The following ANKRD30A variants were observed in gnomAD, a reference collection of about 807,000 sequenced individuals.
ANKRD30A encodes ankyrin repeat domain 30A.
A neutral mutation model predicts 166.3 loss-of-function variants in ANKRD30A; 170 were observed. The ratio of observed to expected loss-of-function variants is 1.02; its 90% CI spans 0.90 to 1.16. The LOEUF (loss-of-function observed/expected upper bound fraction) is 1.16. ANKRD30A is among the 50% of genes most tolerant of loss of function. ANKRD30A has a pLI of 0.00. For missense variants in ANKRD30A, 1,630 were observed against 1,518.0 expected (o/e 1.07, Z -1.23); for synonymous variants, 564 against 508.9 (o/e 1.11, Z -1.46).
intron 33 of ANKRD30A, among the ~76,000 whole-genome samples, chr10:37,218,729 C>T (rs1318147507): frequency 2.0e-5 from 3 of 149,846 alleles, no homozygotes; most frequent in South Asian, 4.2e-4. Flanking sequence ...TTTTCAATTC[C>T]GAGGTTCTTA....
intron 29 of ANKRD30A, among the ~76,000 whole-genome samples, chr10:37,197,930 C>T (rs1477786896): frequency 1.3e-5 from 2 of 151,858 alleles, no homozygotes; most frequent in African/African-American, 4.8e-5. Context: ...AAATCAGTAA[C>T]TCGGATTAGT....
intron 29 of ANKRD30A, among the ~76,000 whole-genome samples, chr10:37,197,847 T>C (rs865980535): frequency 1.3e-5 from 2 of 152,116 alleles, no homozygotes; most frequent in African/African-American, 2.4e-5. Flanking sequence ...GATCCCATCT[T>C]TTACTGATAT....
At chr10:37,220,957 G>A (rs1263961890) in intron 34 of ANKRD30A, among the ~76,000 whole-genome samples, 1 of 151,020 alleles carries the variant, frequency 6.6e-6, no homozygotes, top group Non-Finnish European at 1.5e-5. Context: ...AATATGTGAG[G>A]AACTTTGATG....
chr10:37,130,467 C>G (rs1182535989), intron 3 of ANKRD30A, 89 bp downstream of exon 3: 2 of 1,031,392 alleles, frequency 1.9e-6, no homozygotes, highest in Admixed American at 3.5e-5. Flanking sequence ...TTTGGAAGCT[C>G]AAACATTCCT....
chr10:37,226,103 T>A (rs1055726256), intron 34 of ANKRD30A, among the ~76,000 whole-genome samples: 5 of 149,576 alleles, frequency 3.3e-5, no homozygotes, highest in African/African-American at 9.8e-5. Flanking sequence ...TTCTTTTTAT[T>A]TATATATATA....
intron 11 of ANKRD30A, among the ~76,000 whole-genome samples, chr10:37,150,712 T>C (rs747152346): frequency 1.3e-5 from 2 of 152,144 alleles, no homozygotes; most frequent in Non-Finnish European, 2.9e-5. Flanking sequence ...GTTTATAAAA[T>C]TCCATTGTAT....
intron 25 of ANKRD30A, among the ~76,000 whole-genome samples, chr10:37,191,316 A>T (rs180944849): frequency 3.9e-5 from 6 of 152,146 alleles, no homozygotes; most frequent in Admixed American, 3.3e-4. Context: ...CTAAATATAT[A>T]TCCAAGCTGA....
chr10:37,217,988 A>G (rs1842692714), intron 33 of ANKRD30A, 110 bp downstream of exon 33: 14 of 709,172 alleles, frequency 2.0e-5, no homozygotes, highest in Admixed American at 1.3e-4. Context: ...TCAAACAAAA[A>G]TGTTGTCTTA....
chr10:37,166,734 T>A, intron 19 of ANKRD30A, 39 bp downstream of exon 19: 1 of 1,608,010 alleles, frequency 6.2e-7, no homozygotes, highest in Non-Finnish European at 8.5e-7. Flanking sequence ...TTTGACCAAA[T>A]ATTTCTCTAA....
At position 37,231,561 on chromosome 10, in the gene ANKRD30A, AT is replaced by A. The variant is rs1843415055; in HGVS notation, c.*93del. 1 of 1,032,152 alleles carries A rather than the reference AT, an allele frequency of 9.7e-7. No homozygotes were observed. Among genetic ancestry groups the A allele is most frequent in the East Asian group, 2.7e-5 (1 of 37,524 alleles). The allele number at this position is 1,032,152 out of a possible 1,614,324, so 63.9% of individuals were successfully genotyped here. A position where few individuals can be genotyped will look rare whatever the true frequency, so the allele number is the denominator to read the frequency against. On this transcript the variant is annotated 3_prime_UTR_variant, in exon 35 of 36. Transcript: ENST00000361713. ...AGGAGGCCAGTCCTAGCATCACCTTATGTTGAAAATCTTACCAATAGTCTGT... is the reference window on the plus strand; with the variant it reads ...AGGAGGCCAGTCCTAGCATCACCTTAGTTGAAAATCTTACCAATAGTCTGT...
chr10:37,245,254 A>G, the ANKRD30A span, among the ~76,000 whole-genome samples: 1 of 152,118 alleles, frequency 6.6e-6, no homozygotes, highest in Non-Finnish European at 1.5e-5. Flanking sequence ...GCTTACAGAA[A>G]TAAAGTTGAT....
At chr10:37,194,010 A>G (rs1258991016) in intron 27 of ANKRD30A, among the ~76,000 whole-genome samples, 4 of 152,208 alleles carry the variant, frequency 2.6e-5, no homozygotes, top group Non-Finnish European at 4.4e-5. Context: ...GCCTGGTCAA[A>G]TTAGTGAAAC....
chr10:37,255,180 A>G, the ANKRD30A span, among the ~76,000 whole-genome samples: 1 of 152,208 alleles, frequency 6.6e-6, no homozygotes, highest in Non-Finnish European at 1.5e-5. Context: ...ATAAAATCAA[A>G]TACTGCATGT....
chr10:37,221,313 A>G (rs1842888597), intron 34 of ANKRD30A, among the ~76,000 whole-genome samples: 1 of 151,284 alleles, frequency 6.6e-6, no homozygotes, highest in Non-Finnish European at 1.5e-5. Flanking sequence ...AATAACAAAC[A>G]TGTCTTGTCA....
chr10:37,134,065 C>T lies in ANKRD30A; in HGVS notation c.755+12C>T, dbSNP rs764580992. 8 of 1,612,854 alleles carry T rather than the reference C, an allele frequency of 5.0e-6. No individual in the cohort carries two copies. Among genetic ancestry groups the T allele is most frequent in the Middle Eastern group, 1.7e-4 (1 of 6,042 alleles). On this transcript the variant is annotated intron_variant, in intron 5 of 35. Transcript: ENST00000361713. ...TGTGGATTTCATCAGTAAGTGTTTA[C>T]GTTTAGAGGCTAGGTGAGATTTTAT... is the stretch of plus-strand genomic sequence containing the variant.
Position 37,231,559 on chromosome 10 carries a change from T to G in ANKRD30A, c.*90T>G, listed in dbSNP as rs1353243412. On this transcript the variant is annotated 3_prime_UTR_variant, in exon 35 of 36. Transcript: ENST00000361713. ...CTAGGAGGCCAGTCCTAGCATCACC[T>G]TATGTTGAAAATCTTACCAATAGTC... is the stretch of plus-strand genomic sequence containing the variant. The G allele has an allele frequency of 1.4e-5, 15 of 1,071,526 alleles. No homozygotes were observed. The highest frequency in any genetic ancestry group is 1.9e-5 in the Non-Finnish European group (14 of 753,480). The allele number at this position is 1,071,526 out of a possible 1,614,324, so 66.4% of individuals were successfully genotyped here.
rs563743663 is a variant in ANKRD30A, at chr10:37,150,962, G to T, written c.1646-1098G>T. Among the ~76,000 whole-genome samples the T allele has an allele frequency of 1.4e-3, 212 of 150,734 alleles. 1 individual carries two copies. The highest frequency in any genetic ancestry group is 5.1e-3 in the African/African-American group (207 of 40,966). On this transcript the variant is annotated intron_variant, in intron 11 of 35. Transcript: ENST00000361713. Reference sequence around the variant, plus strand: ...TGGCAACACGTTAGATCTCTGAAACGATCCAGGGTACGCTTCTAAAAATGA... The same window carrying T: ...TGGCAACACGTTAGATCTCTGAAACTATCCAGGGTACGCTTCTAAAAATGA...
chr10:37,146,670 T>C lies in ANKRD30A; in HGVS notation c.1456-700T>C, dbSNP rs187879093. On this transcript the variant is annotated intron_variant, in intron 8 of 35. Transcript: ENST00000361713. ...TCAGACTCGCATTTATTCAGTATGA[T>C]TAATTAACAAAAGCTTGAGTCAATA... 9.9e-5 allele frequency among the ~76,000 whole-genome samples: 15 copies of C among 152,250 alleles called. 1 individual carries two copies. Among genetic ancestry groups the C allele is most frequent in the African/African-American group, 2.9e-4 (12 of 41,554 alleles).
chr10:37,159,056 T>A (rs1417564899), intron 15 of ANKRD30A, among the ~76,000 whole-genome samples: 1 of 152,144 alleles, frequency 6.6e-6, no homozygotes, highest in African/African-American at 2.4e-5. Flanking sequence ...TTTTAAAAAA[T>A]CAGTCAAGCA....
Sources: allele counts gnomAD v4.1 joint callset (sites outside exome capture counted in the v4.1 genomes callset), GRCh38; gene constraint gnomAD v4.1.1; transcripts MANE v1.5; gene names NCBI Gene and HGNC (gene_info 2026-07-23, HGNC 2026-07-21).